The following SPIDR variants were observed in gnomAD, a reference collection of about 807,000 sequenced individuals.
The protein encoded by SPIDR is DNA repair-scaffolding protein.
In SPIDR, 93 loss-of-function variants were observed where a neutral mutation model predicts 104.6. The observed-to-expected ratio is 0.89, with a 90% CI of 0.75 to 1.06. The LOEUF (loss-of-function observed/expected upper bound fraction) is 1.06. Ranked by LOEUF, SPIDR falls within the 50% of genes least tolerant of loss-of-function variation. SPIDR has a pLI of 0.00. For missense variants in SPIDR, 1,154 were observed against 1,111.2 expected, an observed-to-expected ratio of 1.04 and a Z score of -0.55; for synonymous variants, 431 against 416.9, an observed-to-expected ratio of 1.03 and a Z score of -0.41.
chr8:47,669,389 G>A lies in SPIDR; in HGVS notation c.1545-4412G>A, dbSNP rs1057221739. On this transcript the variant is annotated intron_variant, in intron 10 of 19. Transcript: ENST00000297423. ...CCACAGTTCCAATCCAGTCGAACCA[G>A]GGGGGTGATGACTCCACCTCGGGCC... 5.9e-5 allele frequency among the ~76,000 whole-genome samples: 9 copies of A among 152,174 alleles called. 1 individual carries two copies. Among genetic ancestry groups the A allele is most frequent in the Non-Finnish European group, 1.3e-4 (9 of 68,028 alleles).
chr8:47,671,311 G>A (rs983844374), intron 10 of SPIDR, among the ~76,000 whole-genome samples: 15 of 152,080 alleles, frequency 9.9e-5, no homozygotes, highest in African/African-American at 2.9e-4. Flanking sequence ...CAGGCCAGGC[G>A]GGGTGGCTCA....
intron 11 of SPIDR, among the ~76,000 whole-genome samples, chr8:47,680,504 C>G (rs922811205): frequency 6.6e-6 from 1 of 152,118 alleles, no homozygotes; most frequent in Non-Finnish European, 1.5e-5. Context: ...TTTACTGGGC[C>G]GGGTTATGTA....
chr8:47,574,615 T>TAA (rs569771750), intron 8 of SPIDR, among the ~76,000 whole-genome samples: 1 of 150,804 alleles, frequency 6.6e-6, no homozygotes, highest in African/African-American at 2.4e-5. Context: ...AAAATAAAAA[T>TAA]AAAAAAAAAT....
chr8:47,673,840 T>G lies in SPIDR; in HGVS notation c.1584T>G (p.Gly528=). The G allele has an allele frequency of 6.2e-7, 1 of 1,614,110 alleles. No individual in the cohort carries two copies. The highest frequency in any genetic ancestry group is 8.5e-7 in the Non-Finnish European group (1 of 1,180,010). Residue 528 remains glycine (G), a synonymous_variant, in exon 11 of 20, where the codon GGT becomes GGG. Coordinates refer to ENST00000297423, the MANE Select transcript of SPIDR (RefSeq NM_001080394.4). ...TACAAGATGCCTGTGGAATGTTCGG[T>G]GAAGTGCACTTGGAGTTCACCATGT... The part of the protein sequence containing the change: ...LLVQDACGMF[G]EVHLEFTMSK...
intron 1 of SPIDR, among the ~76,000 whole-genome samples, chr8:47,273,007 C>T (rs1302011751): frequency 1.3e-5 from 2 of 152,314 alleles, no homozygotes; most frequent in East Asian, 3.9e-4. Flanking sequence ...TTCTCTCATG[C>T]TTAACACAGT....
chr8:47,643,269 T>TATA lies in SPIDR; in HGVS notation c.1545-30530_1545-30528dup, dbSNP rs537719268. 3.5e-3 allele frequency among the ~76,000 whole-genome samples: 537 copies of TATA among 152,332 alleles called. 1 individual carries two copies. Among genetic ancestry groups the TATA allele is most frequent in the Non-Finnish European group, 6.0e-3 (407 of 68,024 alleles). Reference sequence around the variant, plus strand: ...TTTTAATATTCAGATGACTAATAGGTATAACTCTTTACCTTCTAGTCTGCA... The same window carrying TATA: ...TTTTAATATTCAGATGACTAATAGGTATAATAACTCTTTACCTTCTAGTCTGCA... On this transcript the variant is annotated intron_variant, in intron 10 of 19. Coordinates refer to ENST00000297423, the MANE Select transcript of SPIDR (RefSeq NM_001080394.4).
chr8:47,490,901 C>T (rs782478017), intron 8 of SPIDR, among the ~76,000 whole-genome samples: 3 of 152,082 alleles, frequency 2.0e-5, no homozygotes, highest in Admixed American at 6.5e-5. Context: ...ATGTAAATGA[C>T]GGTGAATGGG....
chr8:47,685,505 A>ATTTTTT (rs201735323), intron 11 of SPIDR, among the ~76,000 whole-genome samples: 76 of 104,408 alleles, frequency 7.3e-4, no homozygotes, highest in Admixed American at 1.6e-3. Flanking sequence ...TTATTTATTT[A>ATTTTTT]TTTATTTATT....
chr8:47,443,368 G>A (rs1436421242), intron 8 of SPIDR, among the ~76,000 whole-genome samples: 1 of 151,898 alleles, frequency 6.6e-6, no homozygotes, highest in Non-Finnish European at 1.5e-5. Context: ...TCAGGAGTTC[G>A]AGACCAGCCT....
rs546731680 is a variant in SPIDR, at chr8:47,687,660, G to A, written c.1686-12743G>A. 2.6e-5 allele frequency among the ~76,000 whole-genome samples: 4 copies of A among 152,242 alleles called. No homozygotes were observed. In the South Asian group the frequency reaches 8.3e-4, roughly 32 times the overall value. On this transcript the variant is annotated intron_variant, in intron 11 of 19. Transcript: ENST00000297423. ...CCACTGTAATTCAATAAACATGGTG[G>A]GTATCCAGAAGCCACCTGCTGCCCC... is the stretch of plus-strand genomic sequence containing the variant.
At chr8:47,686,317 TAATCTC>T (rs2098917190) in intron 11 of SPIDR, among the ~76,000 whole-genome samples, 1 of 152,234 alleles carries the variant, frequency 6.6e-6, no homozygotes, top group Admixed American at 6.5e-5. Context: ...GTTCCTGTAT[TAATCTC>T]AAATAAAAAA....
chr8:47,527,047 G>C (rs1287360463), intron 8 of SPIDR, among the ~76,000 whole-genome samples: 1 of 152,174 alleles, frequency 6.6e-6, no homozygotes, highest in Non-Finnish European at 1.5e-5. Context: ...AGGGGGTCCT[G>C]TCTTGGAGAG....
intron 8 of SPIDR, among the ~76,000 whole-genome samples, chr8:47,477,462 C>T (rs1196254061): frequency 6.6e-6 from 1 of 152,208 alleles, no homozygotes; most frequent in African/African-American, 2.4e-5. Context: ...TCCCAAAGTG[C>T]TGAGATTACA....
intron 11 of SPIDR, among the ~76,000 whole-genome samples, chr8:47,680,787 C>G (rs2076996591): frequency 6.6e-6 from 1 of 152,184 alleles, no homozygotes; most frequent in Non-Finnish European, 1.5e-5. Context: ...ACCGAAGTTT[C>G]TGAAAGGAGA....
intron 8 of SPIDR, among the ~76,000 whole-genome samples, chr8:47,583,859 A>G (rs1588059647): frequency 6.6e-6 from 1 of 152,302 alleles, no homozygotes; most frequent in South Asian, 2.1e-4. Context: ...GCCTCCTAGC[A>G]GCTCCCAGAG....
At chr8:47,550,924 T>C (rs1055869227) in intron 8 of SPIDR, among the ~76,000 whole-genome samples, 87 of 152,224 alleles carry the variant, frequency 5.7e-4, no homozygotes, top group African/African-American at 2.0e-3. Flanking sequence ...ATAGCTCTTA[T>C]TATTTTGAGA....
intron 8 of SPIDR, among the ~76,000 whole-genome samples, chr8:47,508,782 C>T (rs1393963988): frequency 1.3e-5 from 2 of 152,156 alleles, no homozygotes. Context: ...ACCCCACCAT[C>T]AGGACACAGA....
At chr8:47,726,234 C>G (rs925331174) in intron 16 of SPIDR, among the ~76,000 whole-genome samples, 3 of 152,240 alleles carry the variant, frequency 2.0e-5, no homozygotes, top group African/African-American at 7.2e-5. Flanking sequence ...AAAAGTCATT[C>G]AAGTATGCAT....
chr8:47,350,169 T>C (rs2053181433), intron 5 of SPIDR, among the ~76,000 whole-genome samples: 3 of 152,238 alleles, frequency 2.0e-5, no homozygotes, highest in Admixed American at 2.0e-4. Flanking sequence ...TAATGAAATT[T>C]GTATGAATGG....
Sources: allele counts gnomAD v4.1 joint callset (sites outside exome capture counted in the v4.1 genomes callset), GRCh38; gene constraint gnomAD v4.1.1; transcripts MANE v1.5; gene names NCBI Gene and HGNC (gene_info 2026-07-23, HGNC 2026-07-21).